Variants in PHKA1 observed in about 807,000 individuals in gnomAD.
The protein encoded by PHKA1 is phosphorylase kinase regulatory subunit alpha 1.
A neutral mutation model predicts 110.2 loss-of-function variants in PHKA1; 60 were observed. The ratio of observed to expected loss-of-function variants is 0.54; its 90% confidence interval spans 0.44 to 0.68. The LOEUF (loss-of-function observed/expected upper bound fraction) is 0.68, where lower values mean the gene tolerates loss of function less well. PHKA1 is among the 30% of genes least tolerant of loss of function. The probability of loss-of-function intolerance (pLI) is 0.00; values close to 1 mark genes in which losing one functional copy is unlikely to be tolerated. For missense variants in PHKA1, 801 were observed against 942.5 expected (o/e 0.85, Z 1.97); for synonymous variants, 316 against 333.6 (o/e 0.95, Z 0.58).
At chrX:72,638,696 T>G (rs1833042275) in intron 14 of PHKA1, among the ~76,000 whole-genome samples, 1 of 111,303 alleles carries the variant, frequency 9.0e-6, no homozygotes. Context: ...CTATTTATGG[T>G]TTTTCCTTAC....
At chrX:72,627,096 G>C (rs782667951) in intron 16 of PHKA1, 47 bp from the exon 17 acceptor site, 1 of 917,133 alleles carries the variant, frequency 1.1e-6, no homozygotes. Context: ...TTTTAACTCT[G>C]AAGTAGGGAG....
chrX:72,584,897 C>G (rs1380333317), intron 29 of PHKA1, among the ~76,000 whole-genome samples: 1 of 65,020 alleles, frequency 1.5e-5, no homozygotes, highest in Non-Finnish European at 2.7e-5. Flanking sequence ...GCTCTCCCTC[C>G]CCCCTCCCCC....
intron 6 of PHKA1, among the ~76,000 whole-genome samples, chrX:72,671,696 G>A (rs1392182633): frequency 2.7e-5 from 3 of 111,267 alleles, no homozygotes; most frequent in Non-Finnish European, 5.7e-5. Flanking sequence ...ATACTACAAG[G>A]CTACAGTAAC....
At chrX:72,681,651 A>G (rs1288360103) in intron 5 of PHKA1, among the ~76,000 whole-genome samples, 16 of 58,525 alleles carry the variant, frequency 2.7e-4, no homozygotes, top group East Asian at 1.3e-3. Flanking sequence ...CCGGCCAGCC[A>G]CCCCGTCCGG....
At chrX:72,608,969 T>C (rs1308769825) in intron 23 of PHKA1, among the ~76,000 whole-genome samples, 5 of 112,326 alleles carry the variant, frequency 4.5e-5, no homozygotes, top group African/African-American at 1.3e-4. Flanking sequence ...AAGATTTAAA[T>C]TTTGGCACTG....
intron 5 of PHKA1, 106 bp downstream of exon 5, chrX:72,684,392 G>A: frequency 3.7e-6 from 2 of 546,180 alleles, no homozygotes; most frequent in South Asian, 2.6e-5. Flanking sequence ...AAGCCTTTTA[G>A]GTTGGTTCAC....
chrX:72,624,272 C>T (rs1219624586), intron 17 of PHKA1, among the ~76,000 whole-genome samples: 2 of 111,971 alleles, frequency 1.8e-5, no homozygotes, highest in Admixed American at 1.9e-4. Flanking sequence ...TTAACTTTCT[C>T]ATACCAGAAG....
At chrX:72,585,523 T>G (rs1261715280) in intron 29 of PHKA1, among the ~76,000 whole-genome samples, 1 of 111,720 alleles carries the variant, frequency 9.0e-6, no homozygotes, top group Non-Finnish European at 1.9e-5. Flanking sequence ...GACAGGTGAT[T>G]TTTGCATTTC....
At chrX:72,675,456 A>G (rs1026167587) in intron 6 of PHKA1, among the ~76,000 whole-genome samples, 2 of 110,776 alleles carry the variant, frequency 1.8e-5, no homozygotes, top group Admixed American at 9.6e-5. Context: ...CATATATTGG[A>G]TTTCCTTTTA....
intron 21 of PHKA1, among the ~76,000 whole-genome samples, chrX:72,616,021 C>A (rs782444775): frequency 8.9e-6 from 1 of 111,754 alleles, no homozygotes; most frequent in African/African-American, 3.3e-5. Context: ...AAAAGATATT[C>A]CATGCAAATG....
At chrX:72,639,659 G>T (rs2053273056) in intron 14 of PHKA1, among the ~76,000 whole-genome samples, 1 of 112,046 alleles carries the variant, frequency 8.9e-6, no homozygotes, top group Non-Finnish European at 1.9e-5. Flanking sequence ...ACACTACCAG[G>T]AGTGCTGAGA....
chrX:72,666,364 T>A (rs2053615805), intron 7 of PHKA1, 67 bp from the exon 8 acceptor site: 5 of 902,344 alleles, frequency 5.5e-6, no homozygotes, highest in Non-Finnish European at 8.0e-6. Context: ...CAATATCTTA[T>A]CAACACACAT....
chrX:72,670,427 G>A (rs1356455684), intron 6 of PHKA1, among the ~76,000 whole-genome samples: 1 of 111,557 alleles, frequency 9.0e-6, no homozygotes, highest in Admixed American at 9.5e-5. Flanking sequence ...TGCTTTTGGT[G>A]TTTTAGACGT....
At chrX:72,605,176 T>TA in intron 25 of PHKA1, 95 bp downstream of exon 25, 1 of 858,809 alleles carries the variant, frequency 1.2e-6, no homozygotes, top group Non-Finnish European at 1.7e-6. Flanking sequence ...GAGCTATGGA[T>TA]AAAAATGTTT....
chrX:72,657,663 G>A (rs200614564), intron 8 of PHKA1, 22 bp from the exon 9 acceptor site: 1 of 1,181,142 alleles, frequency 8.5e-7, no homozygotes. Context: ...AAGAAAAAAG[G>A]TCAGCAGCTT....
Position 72,698,580 on chromosome X carries a change from A to C in PHKA1, c.286-2704T>G, listed in dbSNP as rs782665665. Among the ~76,000 whole-genome samples, 5 of 112,580 alleles carry C rather than the reference A, an allele frequency of 4.4e-5. No individual in the cohort carries two copies. In the South Asian group the frequency reaches 1.8e-3, roughly 41 times the overall value. ...TTACAAACTATAAGCCCAGCCCAAAACAGAACGATTCTTTGCTTGTGTAAT... is the reference window on the plus strand; with the variant it reads ...TTACAAACTATAAGCCCAGCCCAAACCAGAACGATTCTTTGCTTGTGTAAT... On this transcript the variant is annotated intron_variant, in intron 3 of 31. Transcript: ENST00000373542.
intron 1 of PHKA1, 76 bp from the exon 2 acceptor site, chrX:72,713,013 T>C (rs1239261158): frequency 5.7e-6 from 6 of 1,044,986 alleles, no homozygotes; most frequent in Non-Finnish European, 8.0e-6. Flanking sequence ...TCCAAATGGG[T>C]TTTTTAGGGA....
intron 31 of PHKA1, among the ~76,000 whole-genome samples, chrX:72,581,895 T>C (rs2052341917): frequency 8.9e-6 from 1 of 112,373 alleles, no homozygotes; most frequent in Non-Finnish European, 1.9e-5. Context: ...TTTTTGAATG[T>C]GGATAATTTC....
chrX:72,691,405 T>A (rs1341017663), intron 4 of PHKA1, among the ~76,000 whole-genome samples: 1 of 112,348 alleles, frequency 8.9e-6, no homozygotes, highest in Non-Finnish European at 1.9e-5. Flanking sequence ...TAAATTTCCA[T>A]ATAAATTTTA....
Sources: allele counts gnomAD v4.1 joint callset (sites outside exome capture counted in the v4.1 genomes callset), GRCh38; gene constraint gnomAD v4.1.1; transcripts MANE v1.5; gene names NCBI Gene and HGNC (gene_info 2026-07-23, HGNC 2026-07-21).